PPDPFL: variants seen among roughly 807,000 people sequenced by gnomAD.
The protein encoded by PPDPFL is pancreatic progenitor cell differentiation and proliferation factor-like protein.
In PPDPFL, 12 loss-of-function variants were observed where a neutral mutation model predicts 12.6. The observed-to-expected ratio is 0.95, with a 90% CI of 0.61 to 1.54. PPDPFL has a LOEUF of 1.54. PPDPFL is among the 40% of genes most tolerant of loss of function. PPDPFL has a pLI of 0.00. For missense variants in PPDPFL, 114 were observed against 96.0 expected (o/e 1.19, Z -0.78); for synonymous variants, 24 against 32.7 (o/e 0.73, Z 0.91).
upstream of PPDPFL, among the ~76,000 whole-genome samples, chr8:49,069,106 C>T (rs1008410849): frequency 6.6e-6 from 1 of 152,034 alleles, no homozygotes; most frequent in Non-Finnish European, 1.5e-5. Flanking sequence ...AAAGGTAAAA[C>T]GTTAGTAATG....
chr8:49,062,181 G>A lies in PPDPFL; in HGVS notation c.-45+7812G>A, dbSNP rs4873093. 1.1e-4 allele frequency among the ~76,000 whole-genome samples: 16 copies of A among 152,092 alleles called. No homozygotes were observed. The South Asian group carries it at 3.1e-3, about 30-fold the overall frequency. On this transcript the variant is annotated intron_variant, in intron 1 of 4. Coordinates refer to the PPDPFL transcript ENST00000517663. ...GCACATGGGCAAATGCAAACAGAAC[G>A]GGTTCCTGATGGAGCTGGCTCAAGG...
At chr8:49,059,782 T>G (rs957517613) in intron 1 of PPDPFL, among the ~76,000 whole-genome samples, 1 of 152,232 alleles carries the variant, frequency 6.6e-6, no homozygotes, top group Non-Finnish European at 1.5e-5. Context: ...TACATAAAAC[T>G]ATCTTACTAT....
intron 1 of PPDPFL, among the ~76,000 whole-genome samples, chr8:49,066,655 ATAT>A (rs1177770862): frequency 2.0e-5 from 3 of 152,180 alleles, no homozygotes; most frequent in Non-Finnish European, 2.9e-5. Flanking sequence ...ACATACTGTA[ATAT>A]TATGTTGTTT....
At chr8:49,058,133 A>G (rs553734154) in intron 1 of PPDPFL, among the ~76,000 whole-genome samples, 1 of 152,132 alleles carries the variant, frequency 6.6e-6, no homozygotes, top group East Asian at 1.9e-4. Flanking sequence ...ATTAAGCATA[A>G]GGAAATTTGT....
intron 1 of PPDPFL, among the ~76,000 whole-genome samples, chr8:49,063,291 T>TA (rs1317244690): frequency 1.3e-5 from 2 of 152,184 alleles, no homozygotes; most frequent in African/African-American, 4.8e-5. Context: ...AGGAGTGATG[T>TA]AGTAGGCAAG....
Position 49,074,279 on chromosome 8 carries a change from T to A in PPDPFL, c.179T>A (p.Phe60Tyr). 1 of 1,614,054 alleles carries A rather than the reference T, an allele frequency of 6.2e-7. No homozygotes were observed. The highest frequency in any genetic ancestry group is 8.5e-7 in the Non-Finnish European group (1 of 1,179,890). Residue 60 changes from phenylalanine to tyrosine, a missense_variant, in exon 4 of 5, where the codon TTC (phenylalanine) becomes TAC (tyrosine). By Grantham distance (22) the Phe-to-Tyr change is conservative. Coordinates refer to ENST00000522267, the MANE Select transcript of PPDPFL (RefSeq NM_001256597.2). ...AESTWWFKSFFHSEPVLSNVR... is the reference protein window; with the variant it reads ...AESTWWFKSFYHSEPVLSNVR... Reference sequence around the variant, plus strand: ...TCCACCTGGTGGTTTAAATCGTTTTTCCATTCTGAACCTGTGCTTTCAAAT... The same window carrying A: ...TCCACCTGGTGGTTTAAATCGTTTTACCATTCTGAACCTGTGCTTTCAAAT...
At chr8:49,064,563 C>A (rs1454200345) in intron 1 of PPDPFL, among the ~76,000 whole-genome samples, 2 of 151,944 alleles carry the variant, frequency 1.3e-5, no homozygotes, top group Non-Finnish European at 2.9e-5. Flanking sequence ...GGTTCCCCCC[C>A]AGGACAAGCC....
chr8:49,059,499 A>T (rs1250331319), intron 1 of PPDPFL, among the ~76,000 whole-genome samples: 3 of 152,244 alleles, frequency 2.0e-5, no homozygotes, highest in African/African-American at 7.2e-5. Flanking sequence ...ATGCAAAGGT[A>T]GAAGACTGAC....
chr8:49,060,340 TTTCGGTC>T (rs1808178743), intron 1 of PPDPFL, among the ~76,000 whole-genome samples: 1 of 152,074 alleles, frequency 6.6e-6, no homozygotes. Flanking sequence ...TGAGACAGAG[TTTCGGTC>T]TTGTTGACCA....
intron 4 of PPDPFL, 27 bp downstream of exon 4, chr8:49,074,360 G>A (rs770825684): frequency 6.2e-7 from 1 of 1,603,048 alleles, no homozygotes; most frequent in Admixed American, 1.7e-5. Flanking sequence ...TCTGGTAAGG[G>A]CAGTTCTTAC....
At chr8:49,064,424 A>G (rs1207252228) in intron 1 of PPDPFL, among the ~76,000 whole-genome samples, 1 of 152,082 alleles carries the variant, frequency 6.6e-6, no homozygotes, top group Non-Finnish European at 1.5e-5. Context: ...CCTTCCTTGT[A>G]TAAGTTTTCC....
At chr8:49,072,698 G>T in intron 1 of PPDPFL, 89 bp from the exon 2 acceptor site, 2 of 605,666 alleles carry the variant, frequency 3.3e-6, no homozygotes, top group Non-Finnish European at 5.8e-6. Flanking sequence ...CATGGTAAAT[G>T]ATAATACTTT....
chr8:49,064,140 A>T (rs1041637020), intron 1 of PPDPFL, among the ~76,000 whole-genome samples: 1 of 152,186 alleles, frequency 6.6e-6, no homozygotes, highest in Non-Finnish European at 1.5e-5. Flanking sequence ...ATGCAAAAAA[A>T]CATTCCAGAG....
chr8:49,061,093 G>C (rs988232264), intron 1 of PPDPFL, among the ~76,000 whole-genome samples: 1 of 152,068 alleles, frequency 6.6e-6, no homozygotes, highest in African/African-American at 2.4e-5. Context: ...TGGGTGACAG[G>C]TGGGGACCCA....
chr8:49,070,999 G>A (rs1808376835), upstream of PPDPFL, among the ~76,000 whole-genome samples: 1 of 152,008 alleles, frequency 6.6e-6, no homozygotes, highest in South Asian at 2.1e-4. Context: ...CCACATAACT[G>A]CAGCTTTTGT....
At chr8:49,063,441 TG>T (rs1179364111) in intron 1 of PPDPFL, among the ~76,000 whole-genome samples, 1 of 152,142 alleles carries the variant, frequency 6.6e-6, no homozygotes, top group Non-Finnish European at 1.5e-5. Flanking sequence ...AAGAATGAGC[TG>T]GGCGTGGTGT....
upstream of PPDPFL, among the ~76,000 whole-genome samples, chr8:49,068,030 T>C (rs1233138598): frequency 6.6e-6 from 1 of 152,366 alleles, no homozygotes; most frequent in East Asian, 1.9e-4. Context: ...ATGTCAGTTA[T>C]AGCATTTAAA....
intron 1 of PPDPFL, among the ~76,000 whole-genome samples, chr8:49,057,708 A>C (rs1163840550): frequency 6.6e-6 from 1 of 152,198 alleles, no homozygotes; most frequent in African/African-American, 2.4e-5. Flanking sequence ...AATGAAGTTC[A>C]CTGAAGGAAG....
chr8:49,074,484 G>A (rs752054476), intron 4 of PPDPFL, 151 bp downstream of exon 4: 1 of 1,539,484 alleles, frequency 6.5e-7, no homozygotes, highest in East Asian at 2.4e-5. Flanking sequence ...GATGAGGGTG[G>A]CACTAACAGA....
Sources: gnomAD v4.1 joint callset for allele counts (sites outside exome capture counted in the v4.1 genomes callset) on GRCh38, gnomAD v4.1.1 for gene constraint, MANE v1.5 for transcripts, NCBI Gene and HGNC (gene_info 2026-07-23, HGNC 2026-07-21) for gene names.